The following DAB1 variants were observed in gnomAD, a reference collection of about 807,000 sequenced individuals.
DAB1 encodes the protein DAB adaptor protein 1, also known as disabled homolog 1.
A neutral mutation model predicts 64.6 loss-of-function variants in DAB1; 15 were observed. That is an observed-to-expected ratio of 0.23 (90% CI 0.16 to 0.36). The LOEUF (loss-of-function observed/expected upper bound fraction) is 0.36, where lower values mean the gene tolerates loss of function less well. Among genes scored for constraint, DAB1 ranks in the 10% least tolerant of loss-of-function variants. The pLI, the probability that DAB1 is intolerant of heterozygous loss-of-function variation, is 1.00. For missense variants in DAB1, 596 were observed against 706.7 expected (o/e 0.84, Z 1.78); for synonymous variants, 235 against 251.9 (o/e 0.93, Z 0.64).
chr1:58,053,839 C>T (rs1256985997), intron 5 of DAB1, among the ~76,000 whole-genome samples: 1 of 152,174 alleles, frequency 6.6e-6, no homozygotes, highest in Admixed American at 6.5e-5. Flanking sequence ...TAAATCAATG[C>T]TGTACTACCA....
Position 57,395,911 on chromosome 1 carries a change from A to G in DAB1, c.-137+28019T>C, listed in dbSNP as rs995818457. On this transcript the variant is annotated intron_variant, in intron 1 of 14. Coordinates refer to ENST00000371236, the MANE Select transcript of DAB1 (RefSeq NM_001365792.1). ...TCAACCTCCGATTTTACCTGATATT[A>G]CTAATCCAGGAGGTCCCAAGGACTG... 1.3e-5 allele frequency among the ~76,000 whole-genome samples: 2 copies of G among 152,252 alleles called. 1 individual carries two copies. The highest frequency in any genetic ancestry group is 1.3e-4 in the Admixed American group (2 of 15,288).
chr1:57,983,424 C>T (rs934169328), intron 5 of DAB1, among the ~76,000 whole-genome samples: 4 of 152,208 alleles, frequency 2.6e-5, no homozygotes, highest in African/African-American at 4.8e-5. Context: ...CATTGAGTGA[C>T]GGGAATCCCA....
At chr1:57,065,506 T>C (rs568698665) in intron 8 of DAB1, among the ~76,000 whole-genome samples, 1 of 152,324 alleles carries the variant, frequency 6.6e-6, no homozygotes, top group South Asian at 2.1e-4. Flanking sequence ...CCAGGGTCTA[T>C]AAGCTTGCTG....
At chr1:57,711,063 G>T (rs1647022845) in intron 6 of DAB1, among the ~76,000 whole-genome samples, 1 of 152,228 alleles carries the variant, frequency 6.6e-6, no homozygotes, top group Non-Finnish European at 1.5e-5. Context: ...AATTGTAGAA[G>T]TTACATGTCT....
intron 6 of DAB1, among the ~76,000 whole-genome samples, chr1:57,663,377 A>G (rs943669973): frequency 1.3e-5 from 2 of 152,168 alleles, no homozygotes; most frequent in Admixed American, 1.3e-4. Flanking sequence ...AAACCACATC[A>G]GGTGGGTACA....
At chr1:57,428,899 T>G (rs1469691338), upstream of DAB1, among the ~76,000 whole-genome samples, 4 of 147,036 alleles carry the variant, frequency 2.7e-5, no homozygotes, top group African/African-American at 1.0e-4. Flanking sequence ...TTGATTTTTT[T>G]TGTTGTTGTT....
intron 4 of DAB1, among the ~76,000 whole-genome samples, chr1:58,230,836 G>A (rs1659744204): frequency 6.6e-6 from 1 of 152,208 alleles, no homozygotes; most frequent in South Asian, 2.1e-4. Flanking sequence ...GTCTCTCTAA[G>A]CCTCCCAACA....
At chr1:57,647,114 G>C (rs1210000127) in intron 7 of DAB1, among the ~76,000 whole-genome samples, 1 of 152,126 alleles carries the variant, frequency 6.6e-6, no homozygotes, top group Non-Finnish European at 1.5e-5. Context: ...TCACTGTACT[G>C]CTCCATATTC....
At chr1:57,641,916 C>A (rs968769228) in intron 7 of DAB1, among the ~76,000 whole-genome samples, 25 of 152,128 alleles carry the variant, frequency 1.6e-4, no homozygotes, top group Non-Finnish European at 2.5e-4. Context: ...GAGCAGTTCA[C>A]AAATTTCATC....
chr1:57,930,888 G>C (rs754013131), intron 5 of DAB1, among the ~76,000 whole-genome samples: 4 of 152,052 alleles, frequency 2.6e-5, no homozygotes, highest in Non-Finnish European at 5.9e-5. Flanking sequence ...CTTCTAATAT[G>C]ATGTTGAAAG....
At chr1:58,019,656 T>C (rs561542549) in intron 5 of DAB1, among the ~76,000 whole-genome samples, 2 of 152,316 alleles carry the variant, frequency 1.3e-5, no homozygotes, top group South Asian at 2.1e-4. Context: ...CTCAGTATCA[T>C]GAAACTAGTG....
Position 57,867,201 on chromosome 1 carries a change from T to C in DAB1, n.87+16798A>G, listed in dbSNP as rs186806526. The C allele has an allele frequency of 9.9e-5, 15 of 152,210 alleles. No homozygotes were observed. In the East Asian group the frequency reaches 2.9e-3, roughly 30 times the overall value. The allele number at this position is 152,210 out of a possible 1,614,324, so 9.4% of individuals were successfully genotyped here. ...TCATTAATCACACACGGCACGCCCATTGCCAGTAATGGACTTCACCCCGGA... is the reference window on the plus strand; with the variant it reads ...TCATTAATCACACACGGCACGCCCACTGCCAGTAATGGACTTCACCCCGGA... On this transcript the variant is annotated intron_variant and non_coding_transcript_variant, in intron 1 of 1. Coordinates refer to the DAB1 transcript ENST00000477280.
intron 4 of DAB1, among the ~76,000 whole-genome samples, chr1:57,110,131 C>A (rs1442021469): frequency 6.6e-6 from 1 of 152,168 alleles, no homozygotes; most frequent in Non-Finnish European, 1.5e-5. Context: ...TTATCACATG[C>A]TTATAGAGCA....
chr1:57,945,488 TAGGTGGGTCTCAAATTCATGGCTTCA>T (rs1205860980), intron 5 of DAB1, among the ~76,000 whole-genome samples: 4 of 151,488 alleles, frequency 2.6e-5, no homozygotes, highest in Non-Finnish European at 5.9e-5. Flanking sequence ...CTATGTCACC[TAGGTGGGTCTCAAATTCATGGCTTCA>T]AGCAATCCTC....
chr1:58,361,299 C>CA (rs1644161684), intron 3 of DAB1, among the ~76,000 whole-genome samples: 1 of 152,206 alleles, frequency 6.6e-6, no homozygotes, highest in South Asian at 2.1e-4. Flanking sequence ...CTTCATGATT[C>CA]ACCCCAACAA....
chr1:58,248,891 G>C (rs1018665677), intron 4 of DAB1, among the ~76,000 whole-genome samples: 1 of 152,118 alleles, frequency 6.6e-6, no homozygotes, highest in African/African-American at 2.4e-5. Flanking sequence ...TATTTAACAC[G>C]ATCAGGGGAA....
chr1:57,471,658 C>T (rs749899395), intron 7 of DAB1, among the ~76,000 whole-genome samples: 7 of 152,166 alleles, frequency 4.6e-5, no homozygotes, highest in Non-Finnish European at 7.3e-5. Flanking sequence ...TTCTTGTCTG[C>T]CGCCATGTAA....
At chr1:57,505,823 A>C (rs1644337029) in intron 7 of DAB1, among the ~76,000 whole-genome samples, 1 of 151,998 alleles carries the variant, frequency 6.6e-6, no homozygotes, top group South Asian at 2.1e-4. Flanking sequence ...GGTGCATGCC[A>C]CCACACCTGA....
chr1:57,371,582 T>C (rs1680500300), intron 1 of DAB1, among the ~76,000 whole-genome samples: 1 of 152,340 alleles, frequency 6.6e-6, no homozygotes, highest in South Asian at 2.1e-4. Context: ...TGGGGCTCTA[T>C]GACTTGCCTG....
Sources: allele counts gnomAD v4.1 joint callset (sites outside exome capture counted in the v4.1 genomes callset), GRCh38; gene constraint gnomAD v4.1.1; transcripts MANE v1.5; gene names NCBI Gene and HGNC (gene_info 2026-07-23, HGNC 2026-07-21).